Variants in LEPR observed in about 807,000 individuals in gnomAD.
LEPR encodes the protein OB receptor.
Under a neutral mutation model 114.7 loss-of-function variants are expected in LEPR, and 56 were observed. The ratio of observed to expected loss-of-function variants is 0.49; its 90% CI spans 0.39 to 0.61. The LOEUF (loss-of-function observed/expected upper bound fraction) is 0.61. Ranked by LOEUF, LEPR falls within the 20% of genes least tolerant of loss-of-function variation. The probability of loss-of-function intolerance (pLI) is 0.00; values close to 1 mark genes in which losing one functional copy is unlikely to be tolerated. For synonymous variants in LEPR, 443 were observed against 461.4 expected (o/e 0.96, Z 0.51); for missense variants, 1,202 against 1,352.9 (o/e 0.89, Z 1.75).
intron 10 of LEPR, among the ~76,000 whole-genome samples, chr1:65,602,201 C>G (rs975864477): frequency 6.6e-6 from 1 of 151,958 alleles, no homozygotes; most frequent in South Asian, 2.1e-4. Flanking sequence ...GAAAATCAAT[C>G]AATTCTGAAA....
chr1:65,593,527 T>G (rs978577238), intron 6 of LEPR, among the ~76,000 whole-genome samples: 1 of 152,152 alleles, frequency 6.6e-6, no homozygotes, highest in African/African-American at 2.4e-5. Context: ...ATGTATAATT[T>G]AGCAGTTTTT....
intron 5 of LEPR, chr1:65,576,581 T>C (rs562830491): frequency 6.5e-6 from 1 of 154,300 alleles, no homozygotes; most frequent in South Asian, 2.0e-4. Flanking sequence ...GATATCTGCA[T>C]CTTTGGGTAA....
intron 1 of LEPR, chr1:65,421,581 C>T: frequency 8.9e-7 from 1 of 1,128,870 alleles, no homozygotes; most frequent in South Asian, 1.4e-5. Flanking sequence ...CTGCTATAAA[C>T]ATGTAGATAG....
chr1:65,475,006 C>CAAAAAA (rs1325552861), intron 2 of LEPR, among the ~76,000 whole-genome samples: 11 of 23,882 alleles, frequency 4.6e-4, no homozygotes, highest in African/African-American at 5.6e-4. Context: ...GACTCCATCT[C>CAAAAAA]AAAAAAAAAA....
chr1:65,542,334 A>G (rs905380983), intron 2 of LEPR, among the ~76,000 whole-genome samples: 3 of 152,002 alleles, frequency 2.0e-5, no homozygotes, highest in Non-Finnish European at 4.4e-5. Context: ...AAATATCTAC[A>G]TTAATTATTT....
chr1:65,513,902 G>T (rs1265640802), intron 2 of LEPR, among the ~76,000 whole-genome samples: 2 of 151,922 alleles, frequency 1.3e-5, no homozygotes, highest in Non-Finnish European at 2.9e-5. Context: ...AAATAATTTG[G>T]CTTATGTATA....
chr1:65,499,933 C>G (rs1361692474), intron 2 of LEPR, among the ~76,000 whole-genome samples: 1 of 151,998 alleles, frequency 6.6e-6, no homozygotes, highest in Non-Finnish European at 1.5e-5. Context: ...GGGCTGTGTC[C>G]CCCTCCAACT....
In LEPR at chr1:65,564,284, G is replaced by A. The variant is rs1238900272; in HGVS notation, c.-20-1262G>A. ...GCCGTTTTTTAAGTCAGTCAGAAAA[G>A]CGCAGTATTCGGGTGGGAGTGACCC... On this transcript the variant is annotated intron_variant, in intron 2 of 19. Coordinates refer to ENST00000349533, the MANE Select transcript of LEPR (RefSeq NM_002303.6). Among the ~76,000 whole-genome samples the A allele has an allele frequency of 2.7e-5, 4 of 148,560 alleles. No homozygotes were observed. The East Asian group carries it at 7.8e-4, about 29-fold the overall frequency.
chr1:65,535,392 GTC>G (rs1215649805), intron 2 of LEPR, among the ~76,000 whole-genome samples: 1 of 151,278 alleles, frequency 6.6e-6, no homozygotes, highest in African/African-American at 2.4e-5. Flanking sequence ...TTAAGACAGT[GTC>G]TCGCTCTATC....
intron 2 of LEPR, chr1:65,435,381 T>TG (rs1300093101): frequency 2.1e-6 from 2 of 938,074 alleles, no homozygotes; most frequent in Non-Finnish European, 2.5e-6. Flanking sequence ...TTTTTTTTTT[T>TG]TTTTGAGGCA....
At chr1:65,548,888 A>C (rs898803268) in intron 2 of LEPR, among the ~76,000 whole-genome samples, 3 of 152,182 alleles carry the variant, frequency 2.0e-5, no homozygotes, top group African/African-American at 7.2e-5. Context: ...TAGTTGATGC[A>C]GTTTCTTCCT....
chr1:65,604,926 G>A, intron 10 of LEPR, 112 bp from the exon 11 acceptor site: 1 of 1,331,520 alleles, frequency 7.5e-7, no homozygotes, highest in Non-Finnish European at 1.0e-6. Context: ...ACCGGTCCCT[G>A]GTGCCAAAAA....
chr1:65,605,246 A>G lies in LEPR; in HGVS notation c.1603+9A>G, dbSNP rs1656735012. ...CCTTCCTGATTCTGTGGGTATGTCA[A>G]GCTGCGTTGTGTCTTCATTTGTGTT... On this transcript the variant is annotated intron_variant, in intron 11 of 19. Transcript: ENST00000349533. The G allele has an allele frequency of 1.2e-6, 2 of 1,613,836 alleles. No homozygotes were observed. Among genetic ancestry groups the G allele is most frequent in the Non-Finnish European group, 1.7e-6 (2 of 1,179,928 alleles).
intron 2 of LEPR, among the ~76,000 whole-genome samples, chr1:65,485,925 G>T (rs542065921): frequency 6.6e-6 from 1 of 152,114 alleles, no homozygotes; most frequent in South Asian, 2.1e-4. Context: ...ATGGAGTTAC[G>T]GTGCTTCTGA....
chr1:65,431,415 A>G (rs1383826267), intron 2 of LEPR, among the ~76,000 whole-genome samples: 1 of 152,260 alleles, frequency 6.6e-6, no homozygotes, highest in Non-Finnish European at 1.5e-5. Flanking sequence ...CCTAGAAAAG[A>G]AACACACAAA....
intron 2 of LEPR, chr1:65,427,636 G>A (rs548532707): frequency 3.0e-4 from 52 of 175,594 alleles, no homozygotes; most frequent in African/African-American, 1.2e-3. Flanking sequence ...TTGACCAAAC[G>A]TTTTTCCACT....
chr1:65,608,044 G>C (rs887016446), intron 11 of LEPR, among the ~76,000 whole-genome samples: 1 of 151,912 alleles, frequency 6.6e-6, no homozygotes, highest in African/African-American at 2.4e-5. Flanking sequence ...AGAAAACCAA[G>C]GCTTTGCTCT....
intron 5 of LEPR, among the ~76,000 whole-genome samples, chr1:65,586,516 T>C (rs1198920118): frequency 6.6e-6 from 1 of 151,418 alleles, no homozygotes; most frequent in Non-Finnish European, 1.5e-5. Context: ...GCTATTCAAC[T>C]CTGTGCTTGC....
intron 16 of LEPR, among the ~76,000 whole-genome samples, chr1:65,618,680 TTATCA>T (rs370264575): frequency 7.9e-5 from 12 of 152,060 alleles, no homozygotes; most frequent in East Asian, 1.9e-4. Context: ...TATACAGGGG[TTATCA>T]TATCATATCA....
Sources: allele counts gnomAD v4.1 joint callset (sites outside exome capture counted in the v4.1 genomes callset), GRCh38; gene constraint gnomAD v4.1.1; transcripts MANE v1.5; gene names NCBI Gene and HGNC (gene_info 2026-07-23, HGNC 2026-07-21).